Variants in AMBRA1 observed in about 807,000 individuals in gnomAD.
The protein encoded by AMBRA1 is activating molecule in BECN1-regulated autophagy protein 1.
Under a neutral mutation model 125.4 loss-of-function variants are expected in AMBRA1, and 47 were observed. That is an observed-to-expected ratio of 0.37 (90% CI 0.30 to 0.48). AMBRA1 has a LOEUF of 0.48. AMBRA1 is among the 20% of genes least tolerant of loss of function. The pLI is 0.99. For missense variants in AMBRA1, 1,331 were observed against 1,693.4 expected, an observed-to-expected ratio of 0.79 and a Z score of 3.76; for synonymous variants, 626 against 655.5, an observed-to-expected ratio of 0.95 and a Z score of 0.69.
chr11:46,485,616 T>C (rs529108635), intron 11 of AMBRA1, among the ~76,000 whole-genome samples: 3 of 152,354 alleles, frequency 2.0e-5, no homozygotes, highest in Admixed American at 2.0e-4. Context: ...CAAAGTGTTC[T>C]GGAAAATACT....
At chr11:46,430,494 T>C (rs1356092889) in intron 14 of AMBRA1, among the ~76,000 whole-genome samples, 1 of 152,234 alleles carries the variant, frequency 6.6e-6, no homozygotes, top group Non-Finnish European at 1.5e-5. Flanking sequence ...ACCCATGTAG[T>C]TCTACTGTAA....
chr11:46,471,850 T>C (rs1026178580), intron 11 of AMBRA1, among the ~76,000 whole-genome samples: 5 of 151,906 alleles, frequency 3.3e-5, no homozygotes, highest in Non-Finnish European at 5.9e-5. Context: ...ATGGTCTCGA[T>C]CTCCTGTCCT....
At chr11:46,532,202 T>A (rs1281809788) in intron 7 of AMBRA1, among the ~76,000 whole-genome samples, 2 of 152,094 alleles carry the variant, frequency 1.3e-5, no homozygotes, top group Admixed American at 6.5e-5. Context: ...AATCACTTAA[T>A]AAGACACAGA....
At chr11:46,473,623 A>G (rs1949692744) in intron 11 of AMBRA1, among the ~76,000 whole-genome samples, 1 of 152,248 alleles carries the variant, frequency 6.6e-6, no homozygotes, top group Admixed American at 6.5e-5. Flanking sequence ...GAAAAGGCAG[A>G]AAAATAATGG....
At chr11:46,429,305 G>A (rs547745890) in intron 14 of AMBRA1, among the ~76,000 whole-genome samples, 3 of 152,276 alleles carry the variant, frequency 2.0e-5, no homozygotes, top group East Asian at 1.9e-4. Flanking sequence ...CCCCCTGCCC[G>A]CATCCTGGGG....
intron 11 of AMBRA1, among the ~76,000 whole-genome samples, chr11:46,463,939 C>T (rs553410104): frequency 1.0e-3 from 152 of 152,264 alleles, no homozygotes; most frequent in South Asian, 2.9e-3. Flanking sequence ...TGCCTTGGGG[C>T]CAACAGGATT....
At chr11:46,537,614 T>C (rs1412056569) in intron 7 of AMBRA1, among the ~76,000 whole-genome samples, 3 of 152,150 alleles carry the variant, frequency 2.0e-5, no homozygotes, top group Non-Finnish European at 4.4e-5. Context: ...ACCACTCAAG[T>C]TGCAATGTAG....
intron 11 of AMBRA1, among the ~76,000 whole-genome samples, chr11:46,450,023 C>T (rs1278491849): frequency 6.7e-6 from 1 of 149,808 alleles, no homozygotes; most frequent in Non-Finnish European, 1.5e-5. Context: ...CACGCCACTG[C>T]ACTCCAGCCT....
chr11:46,420,858 G>C, intron 14 of AMBRA1, among the ~76,000 whole-genome samples: 1 of 152,144 alleles, frequency 6.6e-6, no homozygotes, highest in African/African-American at 2.4e-5. Context: ...TGGGGCAAAA[G>C]GGCCAGAGAA....
Position 46,417,954 on chromosome 11 carries a change from G to GGCCAA in AMBRA1, c.3070_3074dup (p.Tyr1026TrpfsTer11). 6.2e-7 allele frequency: 1 copy of GGCCAA among 1,610,998 alleles called. No individual in the cohort carries two copies. The highest frequency in any genetic ancestry group is 8.5e-7 in the Non-Finnish European group (1 of 1,177,810). On this transcript the variant is annotated frameshift_variant, in exon 15 of 18. Coordinates refer to ENST00000683756, the MANE Select transcript of AMBRA1 (RefSeq NM_001387011.1). LOFTEE classifies it high-confidence loss of function. ...CCAGGTCTCCTTTGTTAGTACCATA[G>GGCCAA]GCCAAGCCAAGCCCTGGCTCAGGCA...
chr11:46,497,285 A>T (rs1468866697), intron 9 of AMBRA1, among the ~76,000 whole-genome samples: 1 of 152,080 alleles, frequency 6.6e-6, no homozygotes, highest in African/African-American at 2.4e-5. Flanking sequence ...TTAGTGGGGG[A>T]TATATAAAGG....
chr11:46,424,145 G>T (rs1311129197), intron 14 of AMBRA1, among the ~76,000 whole-genome samples: 1 of 151,876 alleles, frequency 6.6e-6, no homozygotes, highest in African/African-American at 2.4e-5. Flanking sequence ...AAAATAACAA[G>T]TCACCTAACT....
chr11:46,459,934 G>GGTTCC (rs1398446983), intron 11 of AMBRA1, among the ~76,000 whole-genome samples: 1 of 152,168 alleles, frequency 6.6e-6, no homozygotes, highest in Non-Finnish European at 1.5e-5. Context: ...AGGAGCCTCA[G>GGTTCC]GTTCCCTCTT....
intron 11 of AMBRA1, among the ~76,000 whole-genome samples, chr11:46,488,750 A>T (rs1359400733): frequency 6.6e-6 from 1 of 152,224 alleles, no homozygotes; most frequent in Non-Finnish European, 1.5e-5. Flanking sequence ...AAAATCACAC[A>T]AAGTATGTTC....
At chr11:46,432,922 A>G (rs1449833130) in intron 14 of AMBRA1, among the ~76,000 whole-genome samples, 2 of 152,240 alleles carry the variant, frequency 1.3e-5, no homozygotes, top group Non-Finnish European at 2.9e-5. Flanking sequence ...CAGGATGCCC[A>G]GAAGGCTTTT....
At chr11:46,481,311 G>A (rs1358447735) in intron 11 of AMBRA1, among the ~76,000 whole-genome samples, 1 of 152,120 alleles carries the variant, frequency 6.6e-6, no homozygotes, top group Admixed American at 6.6e-5. Context: ...CTCTTTCTAG[G>A]GGAAAGGATC....
At chr11:46,538,778 G>A (rs989797806) in intron 7 of AMBRA1, among the ~76,000 whole-genome samples, 3 of 152,108 alleles carry the variant, frequency 2.0e-5, no homozygotes, top group Non-Finnish European at 4.4e-5. Context: ...GATTACAGGC[G>A]TGAGCCACTG....
chr11:46,485,693 A>T (rs1405343709), intron 11 of AMBRA1, among the ~76,000 whole-genome samples: 6 of 152,238 alleles, frequency 3.9e-5, no homozygotes, highest in Admixed American at 3.9e-4. Flanking sequence ...GGTAAAGCAT[A>T]AGTGGGGAAA....
At chr11:46,550,625 G>A (rs1399331532) in intron 1 of AMBRA1, among the ~76,000 whole-genome samples, 1 of 152,054 alleles carries the variant, frequency 6.6e-6, no homozygotes, top group Admixed American at 6.5e-5. Context: ...ACATGTATTA[G>A]CTGGCTTTCT....
Sources: allele counts gnomAD v4.1 joint callset (sites outside exome capture counted in the v4.1 genomes callset), GRCh38; gene constraint gnomAD v4.1.1; transcripts MANE v1.5; gene names NCBI Gene and HGNC (gene_info 2026-07-23, HGNC 2026-07-21).